The following FAM83B variants were observed in gnomAD, a reference collection of about 807,000 sequenced individuals.
FAM83B encodes protein FAM83B.
A neutral mutation model predicts 38.8 loss-of-function variants in FAM83B; 26 were observed. The observed-to-expected ratio is 0.67, with a 90% CI of 0.49 to 0.93. The LOEUF (loss-of-function observed/expected upper bound fraction) is 0.93. Among genes scored for constraint, FAM83B ranks in the 40% least tolerant of loss-of-function variants. The pLI, the probability that FAM83B is intolerant of heterozygous loss-of-function variation, is 0.00. For missense variants in FAM83B, 1,237 were observed against 1,197.3 expected (o/e 1.03, Z -0.49); for synonymous variants, 419 against 423.1 (o/e 0.99, Z 0.12).
intron 2 of FAM83B, among the ~76,000 whole-genome samples, chr6:54,898,708 T>C (rs1772591582): frequency 6.6e-6 from 1 of 152,182 alleles, no homozygotes; most frequent in Non-Finnish European, 1.5e-5. Context: ...CTCTTTCCCG[T>C]ACCTTTCCCT....
chr6:54,876,021 C>G (rs1009891805), intron 2 of FAM83B, among the ~76,000 whole-genome samples: 3 of 151,896 alleles, frequency 2.0e-5, no homozygotes, highest in Admixed American at 6.6e-5. Flanking sequence ...CCAAAGTCGT[C>G]AGTAACTTAG....
At chr6:54,914,164 T>TCTA (rs1772982773) in intron 2 of FAM83B, among the ~76,000 whole-genome samples, 1 of 152,226 alleles carries the variant, frequency 6.6e-6, no homozygotes, top group African/African-American at 2.4e-5. Flanking sequence ...TTTTCTGTTT[T>TCTA]CTAGGTGTCT....
At chr6:54,871,268 T>C (rs1315960060) in intron 2 of FAM83B, among the ~76,000 whole-genome samples, 1 of 152,126 alleles carries the variant, frequency 6.6e-6, no homozygotes, top group East Asian at 1.9e-4. Flanking sequence ...TATATTGACT[T>C]ATACATCTCA....
chr6:54,927,031 C>A (rs1436070541), intron 3 of FAM83B, among the ~76,000 whole-genome samples: 1 of 152,120 alleles, frequency 6.6e-6, no homozygotes, highest in African/African-American at 2.4e-5. Flanking sequence ...CCGTGCCCGG[C>A]CTTCATGAGG....
chr6:54,894,035 C>G (rs1324616817), intron 2 of FAM83B, among the ~76,000 whole-genome samples: 2 of 152,228 alleles, frequency 1.3e-5, no homozygotes, highest in African/African-American at 4.8e-5. Flanking sequence ...AAGATCAACA[C>G]TCTTCATTAT....
At chr6:54,849,578 C>G (rs1340256871) in intron 1 of FAM83B, among the ~76,000 whole-genome samples, 4 of 151,668 alleles carry the variant, frequency 2.6e-5, no homozygotes, top group Non-Finnish European at 5.9e-5. Context: ...GGAAGGTGAG[C>G]CTTGGTGGAG....
Position 54,942,724 on chromosome 6 carries a change from A to ATTTTTTTTTTTTTTTTTTTTTTTTTT in FAM83B, c.*723_*724insTTTTTTTTTTTTTTTTTTTTTTTTTT, listed in dbSNP as rs1353683912. Among the ~76,000 whole-genome samples, 1 of 151,580 alleles carries ATTTTTTTTTTTTTTTTTTTTTTTTTT rather than the reference A, an allele frequency of 6.6e-6. No homozygotes were observed. The highest frequency in any genetic ancestry group is 2.4e-5 in the African/African-American group (1 of 40,984). ...TCCCCCTCTTACCCATAGGCTGCTG[A>ATTTTTTTTTTTTTTTTTTTTTTTTTT]TTTTTTATAGTCATTCCTTACTTCA... On this transcript the variant is annotated 3_prime_UTR_variant, in exon 5 of 5. Coordinates refer to ENST00000306858, the MANE Select transcript of FAM83B (RefSeq NM_001010872.3).
At chr6:54,846,953 G>C (rs578091248) in intron 1 of FAM83B, 127 bp downstream of exon 1, 5 of 152,512 alleles carry the variant, frequency 3.3e-5, no homozygotes, top group East Asian at 1.9e-4. Flanking sequence ...CGCGGCGGAC[G>C]GGAGGGATAG....
At chr6:54,878,196 C>T (rs539761023) in intron 2 of FAM83B, among the ~76,000 whole-genome samples, 1 of 152,254 alleles carries the variant, frequency 6.6e-6, no homozygotes, top group African/African-American at 2.4e-5. Flanking sequence ...TTTGGCCAAC[C>T]TTATAGGTTA....
At chr6:54,933,910 G>C (rs955095176) in intron 4 of FAM83B, among the ~76,000 whole-genome samples, 2 of 152,096 alleles carry the variant, frequency 1.3e-5, no homozygotes, top group African/African-American at 4.8e-5. Context: ...CCAGTCTGGG[G>C]GCTGGGGGAA....
At chr6:54,909,899 G>A (rs1772866950) in intron 2 of FAM83B, among the ~76,000 whole-genome samples, 1 of 152,148 alleles carries the variant, frequency 6.6e-6, no homozygotes, top group Middle Eastern at 3.2e-3. Context: ...ATTTTGGATG[G>A]AAGGAACGAC....
chr6:54,847,910 A>G (rs1400304279), intron 1 of FAM83B, among the ~76,000 whole-genome samples: 1 of 152,134 alleles, frequency 6.6e-6, no homozygotes, highest in Non-Finnish European at 1.5e-5. Flanking sequence ...GCTTATGTCC[A>G]AATTCCCAGT....
chr6:54,919,444 A>T lies in FAM83B; in HGVS notation c.445-6927A>T, dbSNP rs1014017367. On this transcript the variant is annotated intron_variant, in intron 2 of 4. Coordinates refer to ENST00000306858, the MANE Select transcript of FAM83B (RefSeq NM_001010872.3). ...TATAAATTAATTTTGCTGTAACAGAACCCAAACATGCCTTTTACATTTCCA... is the reference window on the plus strand; with the variant it reads ...TATAAATTAATTTTGCTGTAACAGATCCCAAACATGCCTTTTACATTTCCA... Among the ~76,000 whole-genome samples the T allele has an allele frequency of 2.6e-5, 4 of 152,218 alleles. No individual in the cohort carries two copies. The East Asian group carries it at 7.7e-4, about 29-fold the overall frequency.
At chr6:54,931,575 T>G (rs2127589760) in intron 4 of FAM83B, among the ~76,000 whole-genome samples, 1 of 152,256 alleles carries the variant, frequency 6.6e-6, no homozygotes, top group Non-Finnish European at 1.5e-5. Context: ...AGTTTTTTAT[T>G]TTAATTTAAA....
At chr6:54,906,629 C>G (rs1344349377) in intron 2 of FAM83B, among the ~76,000 whole-genome samples, 1 of 152,166 alleles carries the variant, frequency 6.6e-6, no homozygotes. Context: ...AGGTGATTCC[C>G]TGCCTCGGCC....
intron 4 of FAM83B, among the ~76,000 whole-genome samples, chr6:54,930,234 A>T (rs564995599): frequency 6.6e-6 from 1 of 152,160 alleles, no homozygotes; most frequent in Non-Finnish European, 1.5e-5. Context: ...AACAAAGTTA[A>T]TAATGGCCAT....
intron 2 of FAM83B, among the ~76,000 whole-genome samples, chr6:54,874,238 AATTG>A (rs1456049961): frequency 1.3e-5 from 2 of 152,024 alleles, no homozygotes; most frequent in African/African-American, 4.8e-5. Flanking sequence ...ATCACTTAGA[AATTG>A]ATTAGATATT....
chr6:54,874,130 T>C (rs764153471), intron 2 of FAM83B, among the ~76,000 whole-genome samples: 8 of 152,126 alleles, frequency 5.3e-5, no homozygotes, highest in Non-Finnish European at 1.2e-4. Flanking sequence ...TATAGTTAAA[T>C]GAGCTCTTGA....
At chr6:54,881,128 C>T (rs1581897273) in intron 2 of FAM83B, among the ~76,000 whole-genome samples, 1 of 152,172 alleles carries the variant, frequency 6.6e-6, no homozygotes, top group African/African-American at 2.4e-5. Flanking sequence ...GTGTCTCCCA[C>T]AGAATTTAAA....
Sources: allele counts gnomAD v4.1 joint callset (sites outside exome capture counted in the v4.1 genomes callset), GRCh38; gene constraint gnomAD v4.1.1; transcripts MANE v1.5; gene names NCBI Gene and HGNC (gene_info 2026-07-23, HGNC 2026-07-21).